Variants in CR2 observed in about 807,000 individuals in gnomAD.
CR2 encodes complement C3d receptor 2.
Under a neutral mutation model 123.0 loss-of-function variants are expected in CR2, and 96 were observed. The observed-to-expected ratio is 0.78, with a 90% CI of 0.66 to 0.93. The LOEUF is 0.93. CR2 is among the 40% of genes least tolerant of loss of function. CR2 has a pLI of 0.00. For synonymous variants in CR2, 484 were observed against 469.5 expected, an observed-to-expected ratio of 1.03 and a Z score of -0.40; for missense variants, 1,258 against 1,361.0, an observed-to-expected ratio of 0.92 and a Z score of 1.19.
intron 8 of CR2, 83 bp downstream of exon 8, chr1:207,471,170 C>T: frequency 2.2e-6 from 3 of 1,350,020 alleles, no homozygotes; most frequent in Non-Finnish European, 3.2e-6. Context: ...TGTATCAGTA[C>T]ACCCTGCAAG....
In CR2 at chr1:207,473,302, C is replaced by T. The variant is rs760642801; in HGVS notation, c.1978+123C>T. 112 of 1,229,194 alleles carry T rather than the reference C, an allele frequency of 9.1e-5. 1 individual carries two copies. Among genetic ancestry groups the T allele is most frequent in the Non-Finnish European group, 1.3e-4 (109 of 866,460 alleles). The allele number at this position is 1,229,194 out of a possible 1,614,324, so 76.1% of individuals were successfully genotyped here. ...GGCACAGATTACTTTCTGTTTCTTC[C>T]ATCCTATAATAGATGTTCTCTGTGT... On this transcript the variant is annotated intron_variant, in intron 10 of 19. Coordinates refer to ENST00000367057, the MANE Select transcript of CR2 (RefSeq NM_001006658.3).
intron 9 of CR2, 83 bp from the exon 10 acceptor site, chr1:207,472,689 A>G (rs1228843804): frequency 6.9e-7 from 1 of 1,438,946 alleles, no homozygotes; most frequent in African/African-American, 1.4e-5. Context: ...CAACAGATTC[A>G]TAACCAGCTT....
chr1:207,477,356 C>T (rs1341233594), intron 15 of CR2, among the ~76,000 whole-genome samples: 1 of 152,138 alleles, frequency 6.6e-6, no homozygotes, highest in African/African-American at 2.4e-5. Flanking sequence ...AAACCCCACC[C>T]CCATGATCCA....
intron 12 of CR2, 68 bp downstream of exon 12, chr1:207,473,953 A>G (rs1032119195): frequency 8.2e-6 from 12 of 1,455,334 alleles, no homozygotes; most frequent in East Asian, 4.6e-5. Context: ...TTGACCTTCA[A>G]CTTGTCTTGG....
At chr1:207,480,671 A>G (rs1658579893) in intron 18 of CR2, among the ~76,000 whole-genome samples, 1 of 152,136 alleles carries the variant, frequency 6.6e-6, no homozygotes, top group African/African-American at 2.4e-5. Context: ...CTTGATAACT[A>G]TTGTCAGATG....
chr1:207,463,112 G>T (rs1169773658), intron 1 of CR2, among the ~76,000 whole-genome samples: 1 of 152,068 alleles, frequency 6.6e-6, no homozygotes, highest in Admixed American at 6.6e-5. Context: ...ATTCTGTTTG[G>T]GTTGATTTGG....
At chr1:207,470,147 G>T in intron 6 of CR2, 45 bp downstream of exon 6, 1 of 1,609,608 alleles carries the variant, frequency 6.2e-7, no homozygotes, top group South Asian at 1.1e-5. Flanking sequence ...ATTCGTTTCT[G>T]AAAAATTAGA....
chr1:207,454,380 T>C lies in CR2; in HGVS notation c.-39T>C. The C allele has an allele frequency of 6.5e-7, 1 of 1,545,456 alleles. No individual in the cohort carries two copies. Among genetic ancestry groups the C allele is most frequent in the Non-Finnish European group, 8.7e-7 (1 of 1,148,560 alleles). On this transcript the variant is annotated 5_prime_UTR_variant, in exon 1 of 20. Coordinates refer to ENST00000367057, the MANE Select transcript of CR2 (RefSeq NM_001006658.3). The surrounding 1 kb of genome is among the most constrained non-coding windows in gnomAD (Gnocchi z 4.3). ...CCCAGAGCTGCCGGACGCTCGCGGG[T>C]CTCGGAACGCATCCCGCCGCGGGGG...
chr1:207,484,186 G>A (rs1658686327), intron 18 of CR2, among the ~76,000 whole-genome samples: 1 of 152,068 alleles, frequency 6.6e-6, no homozygotes, highest in Admixed American at 6.6e-5. Flanking sequence ...TGCAAATTTG[G>A]GGAATGCTTA....
rs556624714 is a variant in CR2 at position 207,456,778 on chromosome 1, A to G, written c.58+2302A>G. On this transcript the variant is annotated intron_variant, in intron 1 of 19. Coordinates refer to ENST00000367057, the MANE Select transcript of CR2 (RefSeq NM_001006658.3). ...AAACCTGCTGAGGCCTTCCCGTCAC[A>G]TTAGAATAAAACCCATACCCCTTAT... Among the ~76,000 whole-genome samples the G allele has an allele frequency of 7.2e-5, 11 of 152,328 alleles. No homozygotes were observed. The South Asian group carries it at 2.3e-3, about 32-fold the overall frequency.
intron 8 of CR2, 43 bp from the exon 9 acceptor site, chr1:207,471,379 AT>A (rs1558191832): frequency 1.4e-6 from 2 of 1,457,070 alleles, no homozygotes; most frequent in South Asian, 2.3e-5. Context: ...GCCTAACTTA[AT>A]GGTCACCTGA....
At chr1:207,475,969 G>A (rs1417070231) in intron 14 of CR2, among the ~76,000 whole-genome samples, 1 of 152,170 alleles carries the variant, frequency 6.6e-6, no homozygotes, top group Admixed American at 6.5e-5. Context: ...AAAACTGTTG[G>A]CTGATGGATT....
rs1383696506 is a variant in CR2, at chr1:207,472,821, G to A, written c.1620G>A (p.Gly540=). 6.2e-7 allele frequency: 1 copy of A among 1,613,978 alleles called. No individual in the cohort carries two copies. The highest frequency in any genetic ancestry group is 1.1e-5 in the South Asian group (1 of 91,086). The part of the protein sequence containing the change: ...PPVIYNGAHT[G]SSLEDFPYGT... ...TTATCTACAATGGGGCACACACCGG[G>A]AGTTCCTTAGAAGATTTTCCATATG... Residue 540 remains glycine, a synonymous_variant, in exon 10 of 20, where the codon GGG becomes GGA. Coordinates refer to ENST00000367057, the MANE Select transcript of CR2 (RefSeq NM_001006658.3).
In CR2 at chr1:207,469,939, C is replaced by T; in HGVS notation, c.1062C>T (p.Pro354=). The T allele has an allele frequency of 6.2e-7, 1 of 1,613,988 alleles. No homozygotes were observed. The highest frequency in any genetic ancestry group is 8.5e-7 in the Non-Finnish European group (1 of 1,179,944). The change falls in exon 6 of 20, where the codon CCC becomes CCT. Residue 354 remains proline, a synonymous_variant. Transcript: ENST00000367057. ...CTTCTGCGGTTCAGTGTCCACATCC[C>T]CAGATCCTAAGAGGCCGAATGGTAT... ...LSTSAVQCPH[P]QILRGRMVSG... is the part of the protein sequence containing the mutation.
Position 207,472,946 on chromosome 1 carries a change from A to T in CR2, c.1745A>T (p.Glu582Val). 1 of 1,614,066 alleles carries T rather than the reference A, an allele frequency of 6.2e-7. No individual in the cohort carries two copies. The highest frequency in any genetic ancestry group is 8.5e-7 in the Non-Finnish European group (1 of 1,179,968). ...STIRCTSNDQ[E>V]RGTWSGPAPL... ...ATCCGTTGTACAAGCAATGATCAAG[A>T]AAGAGGCACCTGGAGTGGCCCTGCT... Residue 582 changes from glutamate (E) to valine (V), a missense_variant, in exon 10 of 20, where the codon GAA becomes GTA. Glu to Val is a moderately radical substitution (Grantham distance 121, BLOSUM62 -2). Transcript: ENST00000367057.
intron 19 of CR2, among the ~76,000 whole-genome samples, chr1:207,485,855 G>A (rs917041370): frequency 2.6e-5 from 4 of 152,092 alleles, no homozygotes; most frequent in Admixed American, 1.3e-4. Context: ...TAATAAAGCA[G>A]GCAAGGGGGA....
At chr1:207,465,282 T>C (rs985419896) in intron 1 of CR2, among the ~76,000 whole-genome samples, 4 of 152,194 alleles carry the variant, frequency 2.6e-5, no homozygotes, top group Non-Finnish European at 5.9e-5. Flanking sequence ...ATGTTGCAGA[T>C]GTAGGACTTT....
intron 5 of CR2, 144 bp downstream of exon 5, chr1:207,469,376 T>A (rs1658198681): frequency 8.8e-6 from 7 of 792,300 alleles, no homozygotes; most frequent in Non-Finnish European, 1.5e-5. Flanking sequence ...AGCATCCTTA[T>A]TTTTTGTTTC....
chr1:207,472,219 A>C (rs1658302275), intron 9 of CR2, among the ~76,000 whole-genome samples: 2 of 152,178 alleles, frequency 1.3e-5, no homozygotes, highest in African/African-American at 4.8e-5. Flanking sequence ...ACTGCACTCC[A>C]GCCTAGGCAA....
Sources: gnomAD v4.1 joint callset for allele counts (sites outside exome capture counted in the v4.1 genomes callset) on GRCh38, gnomAD v4.1.1 for gene constraint, Gnocchi (gnomAD v3.1) non-coding constraint, MANE v1.5 for transcripts, NCBI Gene and HGNC (gene_info 2026-07-23, HGNC 2026-07-21) for gene names.